ITGA2: variants seen among roughly 807,000 people sequenced by gnomAD.
ITGA2 encodes the protein integrin alpha-2.
In ITGA2, 101 loss-of-function variants were observed where a neutral mutation model predicts 146.3. That is an observed-to-expected ratio of 0.69 (90% CI 0.59 to 0.81). The LOEUF is 0.81. Ranked by LOEUF, ITGA2 falls within the 40% of genes least tolerant of loss-of-function variation. The pLI is 0.00. For synonymous variants in ITGA2, 477 were observed against 487.1 expected (o/e 0.98, Z 0.27); for missense variants, 1,281 against 1,402.7 (o/e 0.91, Z 1.39).
chr5:53,081,338 A>C (rs1318643946), intron 25 of ITGA2, among the ~76,000 whole-genome samples: 2 of 152,198 alleles, frequency 1.3e-5, no homozygotes, highest in Admixed American at 6.5e-5. Context: ...CACAGTGTTT[A>C]GCTATTGCAG....
chr5:53,067,016 GAA>G, intron 15 of ITGA2, 100 bp from the exon 16 acceptor site: 1 of 1,226,684 alleles, frequency 8.2e-7, no homozygotes, highest in Non-Finnish European at 1.2e-6. Flanking sequence ...AGAGTAGAGA[GAA>G]AAATTCAGTA....
intron 7 of ITGA2, 120 bp from the exon 8 acceptor site, chr5:53,055,418 A>G (rs1744581412): frequency 1.2e-6 from 1 of 829,870 alleles, no homozygotes; most frequent in Non-Finnish European, 2.0e-6. Context: ...CAGAATTAAT[A>G]TGGAGTTACA....
At chr5:53,075,444 G>C in intron 23 of ITGA2, 140 bp downstream of exon 23, 1 of 746,436 alleles carries the variant, frequency 1.3e-6, no homozygotes, top group Non-Finnish European at 2.4e-6. Context: ...ACTAAAACAG[G>C]AGTCCACAGA....
At chr5:52,992,460 CT>C (rs547320844) in intron 1 of ITGA2, among the ~76,000 whole-genome samples, 75 of 152,316 alleles carry the variant, frequency 4.9e-4, no homozygotes, top group African/African-American at 1.6e-3. Flanking sequence ...ATTTCCAAAA[CT>C]GAATTTAATA....
intron 1 of ITGA2, among the ~76,000 whole-genome samples, chr5:53,022,774 A>G (rs1742751482): frequency 6.6e-6 from 1 of 152,152 alleles, no homozygotes; most frequent in Non-Finnish European, 1.5e-5. Flanking sequence ...TTGTGCTGCC[A>G]AGGACGGTCT....
intron 28 of ITGA2, among the ~76,000 whole-genome samples, chr5:53,089,628 G>C (rs1431695262): frequency 6.6e-6 from 1 of 152,172 alleles, no homozygotes; most frequent in East Asian, 1.9e-4. Flanking sequence ...CACTTGATTT[G>C]AATGTATGCC....
Position 53,058,119 on chromosome 5 carries a change from C to G in ITGA2, c.1173+18C>G. On this transcript the variant is annotated intron_variant, in intron 10 of 29. Coordinates refer to ENST00000296585, the MANE Select transcript of ITGA2 (RefSeq NM_002203.4). ...CTCAAAATGTGCGTATATCAGATAGCTTCAAGCCATGTTGTCATTTGGCAT... is the reference window on the plus strand; with the variant it reads ...CTCAAAATGTGCGTATATCAGATAGGTTCAAGCCATGTTGTCATTTGGCAT... The G allele has an allele frequency of 6.3e-7, 1 of 1,577,808 alleles. No individual in the cohort carries two copies. Among genetic ancestry groups the G allele is most frequent in the South Asian group, 1.1e-5 (1 of 90,358 alleles).
At chr5:53,038,597 C>T (rs1160035056) in intron 2 of ITGA2, among the ~76,000 whole-genome samples, 3 of 152,130 alleles carry the variant, frequency 2.0e-5, no homozygotes, top group African/African-American at 4.8e-5. Context: ...CTAGAACCCA[C>T]CTCATCTGCT....
chr5:53,010,192 C>A (rs913006378), intron 1 of ITGA2, among the ~76,000 whole-genome samples: 23 of 152,064 alleles, frequency 1.5e-4, no homozygotes, highest in Non-Finnish European at 3.2e-4. Flanking sequence ...GCATTACCTA[C>A]ATAAGAAACC....
In ITGA2 at chr5:52,995,221, G is replaced by T. The variant is rs538513640; in HGVS notation, c.64+5689G>T. On this transcript the variant is annotated intron_variant, in intron 1 of 29. Coordinates refer to ENST00000296585, the MANE Select transcript of ITGA2 (RefSeq NM_002203.4). ...TTGTAAGTCATGATATAGAGCAGGG[G>T]TTTTATCCTGAGAACAGTAGAAAGG... Among the ~76,000 whole-genome samples, 6 of 152,290 alleles carry T rather than the reference G, an allele frequency of 3.9e-5. No homozygotes were observed. The South Asian group carries it at 1.2e-3, about 32-fold the overall frequency.
rs371957121 is a variant in ITGA2, at chr5:53,058,681, G to GA, written c.1173+590dup. ...GGTGAGAGAGATAGTGAAAGGAGGC[G>GA]AAAAAAAAAAGAAAGAGATCCTGGG... is the stretch of plus-strand genomic sequence containing the variant. On this transcript the variant is annotated intron_variant, in intron 10 of 29. Coordinates refer to ENST00000296585, the MANE Select transcript of ITGA2 (RefSeq NM_002203.4). Among the ~76,000 whole-genome samples the GA allele has an allele frequency of 3.4e-3, 485 of 143,424 alleles. 3 individuals are homozygous for GA. Among genetic ancestry groups the GA allele is most frequent in the African/African-American group, 0.01 (401 of 39,138 alleles). The allele number at this position is 143,424 out of a possible 152,430, so 94.1% of individuals were successfully genotyped here.
intron 6 of ITGA2, among the ~76,000 whole-genome samples, chr5:53,049,456 A>G (rs1160527406): frequency 6.6e-6 from 1 of 152,214 alleles, no homozygotes; most frequent in Non-Finnish European, 1.5e-5. Flanking sequence ...TAAAACAATT[A>G]TTGAATTCTG....
At chr5:53,006,680 C>A (rs1390500001) in intron 1 of ITGA2, among the ~76,000 whole-genome samples, 1 of 152,120 alleles carries the variant, frequency 6.6e-6, no homozygotes, top group African/African-American at 2.4e-5. Flanking sequence ...GACACAGCCC[C>A]TCTCTGTTAG....
intron 7 of ITGA2, among the ~76,000 whole-genome samples, chr5:53,052,991 C>T (rs3212681): frequency 0.13 from 20,061 of 152,116 alleles, 1,631 homozygotes; most frequent in Middle Eastern, 0.18. Context: ...GGCTCACTTA[C>T]CAAATTCAAT....
At chr5:53,031,669 C>T (rs751519656) in intron 2 of ITGA2, among the ~76,000 whole-genome samples, 7 of 152,202 alleles carry the variant, frequency 4.6e-5, no homozygotes, top group Non-Finnish European at 7.3e-5. Context: ...GGTGACATGG[C>T]TTTGATAATT....
chr5:53,029,779 T>G (rs1264574166), intron 2 of ITGA2, among the ~76,000 whole-genome samples: 1 of 152,200 alleles, frequency 6.6e-6, no homozygotes, highest in Non-Finnish European at 1.5e-5. Flanking sequence ...GAGTAAAGGA[T>G]CAACAATTAT....
intron 1 of ITGA2, among the ~76,000 whole-genome samples, chr5:52,992,898 C>G (rs1741046814): frequency 6.6e-6 from 1 of 151,988 alleles, no homozygotes. Flanking sequence ...TACACATTCA[C>G]ACACACACAC....
chr5:53,070,360 C>G (rs938388964), intron 17 of ITGA2, 100 bp downstream of exon 17: 36 of 1,111,632 alleles, frequency 3.2e-5, no homozygotes, highest in Middle Eastern at 4.0e-4. Flanking sequence ...AAATGCTCAC[C>G]CTTCCAATGA....
At chr5:53,007,945 A>C (rs1327785683) in intron 1 of ITGA2, among the ~76,000 whole-genome samples, 1 of 152,132 alleles carries the variant, frequency 6.6e-6, no homozygotes, top group African/African-American at 2.4e-5. Flanking sequence ...ATAAACCTTA[A>C]ATGATACAAC....
Sources: allele counts gnomAD v4.1 joint callset (sites outside exome capture counted in the v4.1 genomes callset), GRCh38; gene constraint gnomAD v4.1.1; transcripts MANE v1.5; gene names NCBI Gene and HGNC (gene_info 2026-07-23, HGNC 2026-07-21).